FAM186A: variants seen among roughly 807,000 people sequenced by gnomAD.
The protein encoded by FAM186A is family with sequence similarity 186 member A.
FAM186A carries 163 observed loss-of-function variants against 216.8 expected under a neutral mutation model. That is an observed-to-expected ratio of 0.75 (90% CI 0.66 to 0.86). FAM186A has a LOEUF of 0.86. FAM186A is among the 40% of genes least tolerant of loss of function. The pLI is 0.00. For synonymous variants in FAM186A, 805 were observed against 1,025.3 expected (o/e 0.79, Z 4.10); for missense variants, 2,184 against 2,746.2 (o/e 0.80, Z 4.58).
intron 4 of FAM186A, among the ~76,000 whole-genome samples, chr12:50,348,968 A>G (rs1267029271): frequency 6.6e-6 from 1 of 152,106 alleles, no homozygotes; most frequent in Non-Finnish European, 1.5e-5. Flanking sequence ...ATGTGTAATA[A>G]TCATATTAAG....
intron 1 of FAM186A, among the ~76,000 whole-genome samples, chr12:50,373,002 A>AAG (rs1565892955): frequency 0.011 from 385 of 35,732 alleles, 19 homozygotes; most frequent in Non-Finnish European, 0.014. Context: ...AAGGAATGAA[A>AAG]GAAAGAAAGA....
At chr12:50,377,007 A>T (rs1943204531) in intron 1 of FAM186A, among the ~76,000 whole-genome samples, 1 of 151,998 alleles carries the variant, frequency 6.6e-6, no homozygotes, top group South Asian at 2.1e-4. Flanking sequence ...CCTCAGCCTC[A>T]TGAGTGCTTG....
intron 1 of FAM186A, among the ~76,000 whole-genome samples, chr12:50,372,990 GGAAGGAATGAAAGAAA>G (rs1399331651): frequency 1.1e-3 from 25 of 22,880 alleles, no homozygotes; most frequent in South Asian, 3.0e-3. Context: ...GAGGAAGGAA[GGAAGGAATGAAAGAAA>G]GAAAGAAAGA....
At chr12:50,343,918 CTTT>C (rs71083535) in intron 4 of FAM186A, among the ~76,000 whole-genome samples, 2 of 136,822 alleles carry the variant, frequency 1.5e-5, no homozygotes, top group Admixed American at 7.3e-5. Flanking sequence ...CACACCCAGC[CTTT>C]TTTTTTTTTT....
intron 4 of FAM186A, among the ~76,000 whole-genome samples, chr12:50,336,508 C>T (rs986712379): frequency 6.6e-6 from 1 of 152,058 alleles, no homozygotes; most frequent in Non-Finnish European, 1.5e-5. Context: ...CTTCTCCATA[C>T]CTTTTGAATC....
chr12:50,349,564 T>G (rs1435723814), intron 4 of FAM186A, among the ~76,000 whole-genome samples: 1 of 152,118 alleles, frequency 6.6e-6, no homozygotes, highest in Non-Finnish European at 1.5e-5. Flanking sequence ...GCATGTGAAG[T>G]TTGTCTTTCT....
At chr12:50,381,822 G>C (rs369644815) in intron 1 of FAM186A, among the ~76,000 whole-genome samples, 9 of 152,174 alleles carry the variant, frequency 5.9e-5, no homozygotes, top group African/African-American at 2.2e-4. Context: ...TAGCCAGCAT[G>C]GTGGCTTGTA....
intron 1 of FAM186A, among the ~76,000 whole-genome samples, chr12:50,370,048 C>G (rs1308809714): frequency 7.9e-6 from 1 of 127,080 alleles, no homozygotes; most frequent in Non-Finnish European, 1.6e-5. Flanking sequence ...GGCGTGAACC[C>G]GGGAGGCGGA....
intron 4 of FAM186A, among the ~76,000 whole-genome samples, chr12:50,348,081 G>A (rs1399397114): frequency 3.8e-5 from 4 of 106,390 alleles, no homozygotes; most frequent in Admixed American, 1.5e-4. Flanking sequence ...GTCTCACCCC[G>A]TTGCCCAGGC....
At position 50,363,379 on chromosome 12, in the gene FAM186A, A is replaced by AG. The variant is rs779156375; in HGVS notation, c.193-16dup. The AG allele has an allele frequency of 4.5e-6, 7 of 1,538,826 alleles. No individual in the cohort carries two copies. Among genetic ancestry groups the AG allele is most frequent in the African/African-American group, 1.4e-5 (1 of 72,814 alleles). On this transcript the variant is annotated splice_polypyrimidine_tract_variant and intron_variant, in intron 1 of 7. Transcript: ENST00000327337. ...ATATCAATGTCCTGTCAGAATAAGAAGGGGGCATGTATTAATCTTCAGTTT... is the reference window on the plus strand; with the variant it reads ...ATATCAATGTCCTGTCAGAATAAGAAGGGGGGCATGTATTAATCTTCAGTTT...
At chr12:50,366,626 C>CAAAAAAAAAAAAAAAA (rs61606774) in intron 1 of FAM186A, among the ~76,000 whole-genome samples, 1 of 49,398 alleles carries the variant, frequency 2.0e-5, no homozygotes, top group Non-Finnish European at 3.6e-5. Flanking sequence ...ATAGAATGAC[C>CAAAAAAAAAAAAAAAA]AAAAAAAAAA....
In FAM186A at chr12:50,396,467, T is replaced by C. The variant is rs1437068116; in HGVS notation, c.18A>G (p.Lys6=). The change falls in exon 1 of 8, where the codon AAA becomes AAG. Residue 6 remains lysine, a synonymous_variant. Transcript: ENST00000327337. ...ATTCAGGGTCATTGTCTATCTCATTTTTCATTTTGAAGAACATTTTGAAAA... is the reference window on the plus strand; with the variant it reads ...ATTCAGGGTCATTGTCTATCTCATTCTTCATTTTGAAGAACATTTTGAAAA... MFFKM[K]NEIDNDPESE... 3.3e-6 allele frequency: 5 copies of C among 1,535,764 alleles called. No individual in the cohort carries two copies. The highest frequency in any genetic ancestry group is 3.5e-6 in the Non-Finnish European group (4 of 1,142,676).
chr12:50,339,652 T>A (rs1293698496), intron 4 of FAM186A, among the ~76,000 whole-genome samples: 1 of 152,098 alleles, frequency 6.6e-6, no homozygotes, highest in Non-Finnish European at 1.5e-5. Context: ...GGATTCTCTT[T>A]TATCTTGCCT....
intron 1 of FAM186A, among the ~76,000 whole-genome samples, chr12:50,378,512 A>G (rs1288966462): frequency 6.6e-6 from 1 of 150,464 alleles, no homozygotes; most frequent in Non-Finnish European, 1.5e-5. Context: ...CCGGGGAGAC[A>G]GAGTGAGACT....
chr12:50,386,103 A>T (rs1199600552), intron 1 of FAM186A, among the ~76,000 whole-genome samples: 1 of 152,166 alleles, frequency 6.6e-6, no homozygotes, highest in Non-Finnish European at 1.5e-5. Flanking sequence ...AAGATTGCTG[A>T]GAGGAGATAT....
At chr12:50,341,557 C>A (rs1942762459) in intron 4 of FAM186A, among the ~76,000 whole-genome samples, 1 of 152,158 alleles carries the variant, frequency 6.6e-6, no homozygotes, top group South Asian at 2.1e-4. Flanking sequence ...GAGAAAGCGA[C>A]CTGACACAGT....
intron 1 of FAM186A, 45 bp downstream of exon 1, chr12:50,396,248 T>G: frequency 7.0e-7 from 1 of 1,436,796 alleles, no homozygotes; most frequent in Non-Finnish European, 9.2e-7. Flanking sequence ...CACAGAAAGT[T>G]TAAAAAGAAA....
chr12:50,344,056 AT>A lies in FAM186A; in HGVS notation c.6503+6272del, dbSNP rs58651736. On this transcript the variant is annotated intron_variant, in intron 4 of 7. Coordinates refer to ENST00000327337, the MANE Select transcript of FAM186A (RefSeq NM_001145475.3). ...ATAAGCCACCACACCCAGCCAGTCT[AT>A]TTTTTTTTTTTTTTCAAATTGAATT... Among the ~76,000 whole-genome samples, 809 of 112,010 alleles carry A rather than the reference AT, an allele frequency of 7.2e-3. 4 individuals are homozygous for A. Among genetic ancestry groups the A allele is most frequent in the Middle Eastern group, 0.018 (3 of 164 alleles). 73.5% of individuals were successfully genotyped at this position (112,010 alleles called of 152,430 possible).
chr12:50,337,491 G>A lies in FAM186A; in HGVS notation c.6504-3388C>T, dbSNP rs147109971. ...TTTTTTTTTTTTAAGTAGAGATGGG[G>A]TTTTACCATATTGCCCAGGCTGGTC... On this transcript the variant is annotated intron_variant, in intron 4 of 7. Transcript: ENST00000327337. 3.6e-3 allele frequency among the ~76,000 whole-genome samples: 543 copies of A among 149,412 alleles called. 4 individuals carry two copies. Among genetic ancestry groups the A allele is most frequent in the African/African-American group, 0.013 (528 of 40,744 alleles).
Sources: allele counts gnomAD v4.1 joint callset (sites outside exome capture counted in the v4.1 genomes callset), GRCh38; gene constraint gnomAD v4.1.1; transcripts MANE v1.5; gene names NCBI Gene and HGNC (gene_info 2026-07-23, HGNC 2026-07-21).